Variants in GLIS3 observed in about 807,000 individuals in gnomAD.
GLIS3 encodes GLIS family zinc finger 3, also known as zinc finger protein GLIS3.
Under a neutral mutation model 78.6 loss-of-function variants are expected in GLIS3, and 53 were observed. The observed-to-expected ratio is 0.67, with a 90% CI of 0.54 to 0.85. The LOEUF (loss-of-function observed/expected upper bound fraction) is 0.85. GLIS3 is among the 40% of genes least tolerant of loss of function. GLIS3 has a pLI of 0.00. For synonymous variants in GLIS3, 684 were observed against 509.9 expected (o/e 1.34, Z -4.60); for missense variants, 1,703 against 1,231.1 (o/e 1.38, Z -5.74).
intron 2 of GLIS3, among the ~76,000 whole-genome samples, chr9:4,145,534 T>C (rs1834154990): frequency 6.6e-6 from 1 of 152,108 alleles, no homozygotes; most frequent in South Asian, 2.1e-4. Context: ...AACACACAGT[T>C]CTTAAGAATG....
At chr9:4,021,729 G>A (rs975227860) in intron 4 of GLIS3, among the ~76,000 whole-genome samples, 1 of 152,152 alleles carries the variant, frequency 6.6e-6, no homozygotes, top group Non-Finnish European at 1.5e-5. Context: ...CTAGCTCTAA[G>A]AAGTATCCAG....
At chr9:4,366,345 C>A in the GLIS3 span, among the ~76,000 whole-genome samples, 9 of 152,130 alleles carry the variant, frequency 5.9e-5, no homozygotes, top group Non-Finnish European at 1.2e-4. Context: ...AGCCTGAGTA[C>A]TTTCAAGCGA....
intron 2 of GLIS3, among the ~76,000 whole-genome samples, chr9:4,275,375 TAG>T (rs1426604327): frequency 6.6e-6 from 1 of 152,126 alleles, no homozygotes; most frequent in African/African-American, 2.4e-5. Flanking sequence ...TGTATTCAAA[TAG>T]AGAGAAGGAG....
intron 4 of GLIS3, among the ~76,000 whole-genome samples, chr9:4,055,757 T>C (rs1330228663): frequency 1.3e-5 from 2 of 152,206 alleles, no homozygotes; most frequent in Non-Finnish European, 2.9e-5. Context: ...CACAGCAAGC[T>C]GGCTCAAGTT....
intron 2 of GLIS3, among the ~76,000 whole-genome samples, chr9:4,310,749 G>A (rs1355910556): frequency 6.6e-6 from 1 of 152,150 alleles, no homozygotes; most frequent in South Asian, 2.1e-4. Context: ...GGTCTTAGGA[G>A]GATTTTTTGG....
chr9:3,963,785 A>G (rs1205078885), intron 4 of GLIS3, among the ~76,000 whole-genome samples: 2 of 152,106 alleles, frequency 1.3e-5, no homozygotes, highest in Non-Finnish European at 2.9e-5. Context: ...CCTCACCGAG[A>G]CACCAAGGAT....
At chr9:3,847,344 C>T (rs1244765304) in intron 9 of GLIS3, among the ~76,000 whole-genome samples, 1 of 152,156 alleles carries the variant, frequency 6.6e-6, no homozygotes, top group Admixed American at 6.5e-5. Flanking sequence ...GTCTAAGAAG[C>T]CATAAGCAAA....
chr9:4,438,076 G>A, the GLIS3 span, among the ~76,000 whole-genome samples: 1 of 152,148 alleles, frequency 6.6e-6, no homozygotes, highest in Non-Finnish European at 1.5e-5. Context: ...ATGGTCAGCT[G>A]TAGTTGAGAA....
chr9:4,235,118 G>A (rs1200908013), intron 2 of GLIS3, among the ~76,000 whole-genome samples: 1 of 152,044 alleles, frequency 6.6e-6, no homozygotes, highest in African/African-American at 2.4e-5. Context: ...CTAACCCGGT[G>A]AAACTCTGTC....
chr9:4,154,097 C>T (rs757726204), intron 2 of GLIS3, among the ~76,000 whole-genome samples: 21 of 152,224 alleles, frequency 1.4e-4, no homozygotes, highest in Admixed American at 6.5e-4. Context: ...TTGAGCTTCC[C>T]ACAGCATGGT....
the GLIS3 span, among the ~76,000 whole-genome samples, chr9:4,400,353 G>C: frequency 6.6e-5 from 10 of 152,082 alleles, no homozygotes; most frequent in Admixed American, 2.6e-4. Flanking sequence ...GCAAAGGGTA[G>C]AGCTCTTTAT....
At chr9:4,342,441 T>C (rs575622972) in intron 2 of GLIS3, among the ~76,000 whole-genome samples, 96 of 152,348 alleles carry the variant, frequency 6.3e-4, no homozygotes, top group African/African-American at 2.0e-3. Context: ...CTCTATTCTG[T>C]TCCATTGGTC....
In GLIS3 at chr9:3,826,313, A is replaced by G. The variant is rs778317847; in HGVS notation, c.*1959T>C. 6.6e-6 allele frequency: 1 copy of G among 152,160 alleles called. No individual in the cohort carries two copies. The highest frequency in any genetic ancestry group is 2.4e-5 in the African/African-American group (1 of 41,440). 9.4% of individuals were successfully genotyped at this position (152,160 alleles called of 1,614,324 possible). A position where few individuals can be genotyped will look rare whatever the true frequency, so the allele number is the denominator to read the frequency against. ...GAGTATGACAAAGGACGCATGAGGGATGCTACTAGCTGTGAGCATGCATAT... is the reference window on the plus strand; with the variant it reads ...GAGTATGACAAAGGACGCATGAGGGGTGCTACTAGCTGTGAGCATGCATAT... On this transcript the variant is annotated 3_prime_UTR_variant, in exon 11 of 11. Transcript: ENST00000381971.
chr9:3,925,282 T>C (rs1825143034), intron 6 of GLIS3, among the ~76,000 whole-genome samples: 1 of 152,156 alleles, frequency 6.6e-6, no homozygotes, highest in Non-Finnish European at 1.5e-5. Context: ...TTTCCCCCAC[T>C]ATACTGAAAG....
chr9:3,991,882 G>A (rs953752272), intron 4 of GLIS3, among the ~76,000 whole-genome samples: 5 of 151,768 alleles, frequency 3.3e-5, no homozygotes, highest in African/African-American at 7.3e-5. Context: ...AGTAGAGACG[G>A]GGTTTCACCG....
rs118062446 is a variant in GLIS3, at chr9:4,036,451, T to C, written c.1710+81317A>G. On this transcript the variant is annotated intron_variant, in intron 4 of 10. Coordinates refer to ENST00000381971, the MANE Select transcript of GLIS3 (RefSeq NM_001042413.2). ...GGGTTTTTGAAAAATGATTGACAAC[T>C]TGAATTGAAAGCAAGACTCCTGTTG... is the stretch of plus-strand genomic sequence containing the variant. Among the ~76,000 whole-genome samples, 953 of 152,248 alleles carry C rather than the reference T, an allele frequency of 6.3e-3. 5 individuals carry two copies. Among genetic ancestry groups the C allele is most frequent in the Middle Eastern group, 0.027 (8 of 294 alleles).
chr9:4,230,944 C>A (rs2131364327), intron 2 of GLIS3, among the ~76,000 whole-genome samples: 1 of 152,238 alleles, frequency 6.6e-6, no homozygotes, highest in East Asian at 1.9e-4. Flanking sequence ...CAGTGGCTCA[C>A]ATCTATAATC....
chr9:4,087,355 C>A (rs534875455), intron 4 of GLIS3, among the ~76,000 whole-genome samples: 2 of 152,232 alleles, frequency 1.3e-5, no homozygotes, highest in Admixed American at 6.5e-5. Context: ...ACATCCAAAG[C>A]TGTACAGAGC....
At chr9:3,875,666 C>A (rs1459268773) in intron 8 of GLIS3, 3 of 152,190 alleles carry the variant, frequency 2.0e-5, no homozygotes, top group Non-Finnish European at 4.4e-5. Flanking sequence ...CTAACGCAAA[C>A]CTGGTGAATA....
Sources: allele counts gnomAD v4.1 joint callset (sites outside exome capture counted in the v4.1 genomes callset), GRCh38; gene constraint gnomAD v4.1.1; transcripts MANE v1.5; gene names NCBI Gene and HGNC (gene_info 2026-07-23, HGNC 2026-07-21).